CCDC15: variants seen among roughly 807,000 people sequenced by gnomAD.
CCDC15 encodes the protein coiled-coil domain containing 15.
A neutral mutation model predicts 114.5 loss-of-function variants in CCDC15; 105 were observed. The ratio of observed to expected loss-of-function variants is 0.92; its 90% CI spans 0.78 to 1.08. The LOEUF is 1.08. Ranked by LOEUF, CCDC15 falls within the 50% of genes least tolerant of loss-of-function variation. The probability of loss-of-function intolerance (pLI) is 0.00; values close to 1 mark genes in which losing one functional copy is unlikely to be tolerated. For synonymous variants in CCDC15, 334 were observed against 377.8 expected (o/e 0.88, Z 1.34); for missense variants, 1,105 against 1,093.6 (o/e 1.01, Z -0.15).
chr11:124,982,900 G>A (rs1377199773), intron 6 of CCDC15, among the ~76,000 whole-genome samples: 1 of 152,124 alleles, frequency 6.6e-6, no homozygotes, highest in Non-Finnish European at 1.5e-5. Context: ...TTTGCAAGTT[G>A]CTTGGTTTCT....
At chr11:125,001,887 A>G (rs1948486957) in intron 11 of CCDC15, among the ~76,000 whole-genome samples, 2 of 151,850 alleles carry the variant, frequency 1.3e-5, no homozygotes, top group African/African-American at 2.4e-5. Flanking sequence ...TTTTGTGGGC[A>G]TATTTTTCAC....
chr11:125,014,178 G>A (rs533217271), intron 13 of CCDC15, among the ~76,000 whole-genome samples: 80 of 152,244 alleles, frequency 5.3e-4, no homozygotes, highest in Non-Finnish European at 8.4e-4. Context: ...TAAGAACATC[G>A]TCTAACTAGC....
chr11:125,005,375 G>T (rs1948543779), intron 13 of CCDC15, among the ~76,000 whole-genome samples, 163 bp downstream of exon 13: 1 of 151,948 alleles, frequency 6.6e-6, no homozygotes, highest in Admixed American at 6.6e-5. Flanking sequence ...CTATGGTTTG[G>T]TTTTTTGGTT....
At position 125,038,964 on chromosome 11, in the gene CCDC15, C is replaced by G. The variant is rs61756704; in HGVS notation, c.2629C>G (p.Leu877Val). The G allele has an allele frequency of 6.2e-7, 1 of 1,613,286 alleles. No homozygotes were observed. Among genetic ancestry groups the G allele is most frequent in the Non-Finnish European group, 8.5e-7 (1 of 1,179,486 alleles). ...AGCCCAAATCCAGGAGAAAATGCAG[C>G]TGTATAATATTACTTTACCTCCACT... ...LRAQIQEKMQ[L>V]YNITLPPLCC... The change falls in exon 15 of 16, where the codon CTG becomes GTG. Residue 877 changes from leucine (L) to valine (V), a missense_variant. By Grantham distance (32) the Leu-to-Val change is conservative. Coordinates refer to ENST00000344762, the MANE Select transcript of CCDC15 (RefSeq NM_025004.3).
chr11:124,968,277 C>T (rs1201875754), intron 4 of CCDC15, among the ~76,000 whole-genome samples: 1 of 151,562 alleles, frequency 6.6e-6, no homozygotes, highest in Non-Finnish European at 1.5e-5. Context: ...TCTACAGAGG[C>T]AGACAGGCCT....
chr11:125,020,551 G>A (rs1021295301), intron 13 of CCDC15, among the ~76,000 whole-genome samples: 7 of 151,946 alleles, frequency 4.6e-5, no homozygotes, highest in Non-Finnish European at 1.0e-4. Flanking sequence ...AATGCAGCAC[G>A]TTTATAAACC....
chr11:124,970,117 A>G (rs982796533), intron 4 of CCDC15, among the ~76,000 whole-genome samples: 2 of 152,002 alleles, frequency 1.3e-5, no homozygotes, highest in African/African-American at 2.4e-5. Context: ...TCATTTCTCT[A>G]CCATTAACTG....
chr11:125,036,810 A>C (rs112175071), intron 13 of CCDC15, among the ~76,000 whole-genome samples: 2 of 152,074 alleles, frequency 1.3e-5, no homozygotes, highest in South Asian at 4.2e-4. Context: ...CAGAATTTCT[A>C]CTTGATTCTT....
At chr11:124,974,215 A>T (rs1451685820) in intron 4 of CCDC15, among the ~76,000 whole-genome samples, 1 of 152,150 alleles carries the variant, frequency 6.6e-6, no homozygotes, top group African/African-American at 2.4e-5. Context: ...TCCTGACCTC[A>T]GGTGATCCGC....
chr11:124,997,240 A>G (rs893145485), intron 11 of CCDC15, among the ~76,000 whole-genome samples: 3 of 152,206 alleles, frequency 2.0e-5, no homozygotes, highest in African/African-American at 7.2e-5. Flanking sequence ...GGTAATGGAT[A>G]GAGGTGAAGA....
chr11:124,971,448 G>C (rs1947879715), intron 4 of CCDC15, among the ~76,000 whole-genome samples: 1 of 152,224 alleles, frequency 6.6e-6, no homozygotes, highest in Non-Finnish European at 1.5e-5. Context: ...GTTGACAGAA[G>C]TAGGCTTCAG....
intron 4 of CCDC15, among the ~76,000 whole-genome samples, chr11:124,961,034 T>C (rs73020316): frequency 0.02 from 2,981 of 152,364 alleles, 36 homozygotes; most frequent in Middle Eastern, 0.034. Context: ...TTTTTTTCTT[T>C]GTCCACAACT....
chr11:125,030,231 G>C (rs541518368), intron 13 of CCDC15, among the ~76,000 whole-genome samples: 44 of 152,296 alleles, frequency 2.9e-4, no homozygotes, highest in Non-Finnish European at 5.6e-4. Context: ...ATTGGACGCT[G>C]ATTCAGAGCG....
intron 5 of CCDC15, among the ~76,000 whole-genome samples, chr11:124,976,223 TAATATATA>T (rs1463886553): frequency 2.7e-5 from 4 of 149,068 alleles, no homozygotes; most frequent in Non-Finnish European, 5.9e-5. Context: ...ATAATATATA[TAATATATA>T]AATATATAGA....
chr11:125,025,287 C>T (rs1948693546), intron 13 of CCDC15, among the ~76,000 whole-genome samples: 1 of 150,648 alleles, frequency 6.6e-6, no homozygotes. Context: ...CCTTTTAATA[C>T]ATTGTGTAAT....
intron 4 of CCDC15, among the ~76,000 whole-genome samples, chr11:124,962,303 T>G (rs979608681): frequency 1.3e-5 from 2 of 152,244 alleles, no homozygotes; most frequent in African/African-American, 4.8e-5. Flanking sequence ...CTCAGTTTTC[T>G]CGTGTTGGTG....
intron 15 of CCDC15, among the ~76,000 whole-genome samples, chr11:125,040,296 C>T (rs113207991): frequency 3.3e-5 from 5 of 152,274 alleles, no homozygotes; most frequent in East Asian, 1.9e-4. Context: ...CTCAGCCTCC[C>T]AAAGTGCTGG....
intron 13 of CCDC15, among the ~76,000 whole-genome samples, chr11:125,007,803 T>C (rs533277497): frequency 6.6e-6 from 1 of 152,300 alleles, no homozygotes; most frequent in South Asian, 2.1e-4. Context: ...TATCTCATTG[T>C]GGGTAAGTTC....
At chr11:124,956,124 A>C (rs1455185579) in intron 2 of CCDC15, among the ~76,000 whole-genome samples, 1 of 150,802 alleles carries the variant, frequency 6.6e-6, no homozygotes, top group Non-Finnish European at 1.5e-5. Context: ...AGAGTACCTT[A>C]GGAAATTTTG....
Sources: allele counts gnomAD v4.1 joint callset (sites outside exome capture counted in the v4.1 genomes callset), GRCh38; gene constraint gnomAD v4.1.1; transcripts MANE v1.5; gene names NCBI Gene and HGNC (gene_info 2026-07-23, HGNC 2026-07-21).